The following CTNND2 variants were observed in gnomAD, a reference collection of about 807,000 sequenced individuals.
CTNND2 encodes the protein catenin delta-2.
A neutral mutation model predicts 144.4 loss-of-function variants in CTNND2; 22 were observed. The ratio of observed to expected loss-of-function variants is 0.15; its 90% CI spans 0.11 to 0.22. The LOEUF is 0.22. Ranked by LOEUF, CTNND2 falls within the 10% of genes least tolerant of loss-of-function variation. CTNND2 has a pLI of 1.00. For missense variants in CTNND2, 1,353 were observed against 1,618.8 expected (o/e 0.84, Z 2.82); for synonymous variants, 751 against 695.6 (o/e 1.08, Z -1.25).
rs73051988 is a variant in CTNND2, at chr5:11,581,104, T to C, written c.175-16048A>G. Among the ~76,000 whole-genome samples the C allele has an allele frequency of 3.8e-4, 58 of 152,276 alleles. 1 individual carries two copies. Among genetic ancestry groups the C allele is most frequent in the African/African-American group, 1.4e-3 (58 of 41,568 alleles). ...TAAGGTTACAGTAGCTTTCTTCCCA[T>C]TATGAAATAGCTGCTTTATAGGAAA... On this transcript the variant is annotated intron_variant, in intron 2 of 21. Coordinates refer to ENST00000304623, the MANE Select transcript of CTNND2 (RefSeq NM_001332.4).
At chr5:11,324,853 A>T (rs1203149248) in intron 9 of CTNND2, among the ~76,000 whole-genome samples, 1 of 152,188 alleles carries the variant, frequency 6.6e-6, no homozygotes, top group Non-Finnish European at 1.5e-5. Flanking sequence ...TTTGGTGGCT[A>T]AGTTTGCTTC....
At chr5:11,353,847 C>G (rs1032225093) in intron 8 of CTNND2, among the ~76,000 whole-genome samples, 1 of 151,746 alleles carries the variant, frequency 6.6e-6, no homozygotes. Flanking sequence ...TTGGCTTCTT[C>G]TTCAGAAAGA....
At chr5:11,661,974 T>C (rs1377431440) in intron 2 of CTNND2, among the ~76,000 whole-genome samples, 1 of 151,256 alleles carries the variant, frequency 6.6e-6, no homozygotes, top group Non-Finnish European at 1.5e-5. Flanking sequence ...ACTAATAGGA[T>C]ACATGTATAT....
intron 1 of CTNND2, among the ~76,000 whole-genome samples, chr5:11,755,543 T>G (rs537617642): frequency 6.6e-6 from 1 of 151,640 alleles, no homozygotes; most frequent in Non-Finnish European, 1.5e-5. Flanking sequence ...GTTTTCCAAG[T>G]TGCTTGCTTA....
intron 3 of CTNND2, among the ~76,000 whole-genome samples, chr5:11,537,777 A>G (rs1174791576): frequency 6.6e-6 from 1 of 152,196 alleles, no homozygotes; most frequent in Non-Finnish European, 1.5e-5. Flanking sequence ...GATTATGATA[A>G]ACGTATCTTA....
At chr5:11,415,829 A>G (rs1040288306) in intron 3 of CTNND2, among the ~76,000 whole-genome samples, 17 of 152,058 alleles carry the variant, frequency 1.1e-4, no homozygotes, top group African/African-American at 3.9e-4. Flanking sequence ...AGAGGAAGTG[A>G]CAAGTGCCAC....
intron 2 of CTNND2, among the ~76,000 whole-genome samples, chr5:11,690,964 T>G (rs1387503001): frequency 6.6e-6 from 1 of 152,166 alleles, no homozygotes; most frequent in African/African-American, 2.4e-5. Flanking sequence ...TAACAAAATG[T>G]AATGATTGTG....
At chr5:11,322,366 T>G (rs1752121342) in intron 9 of CTNND2, among the ~76,000 whole-genome samples, 1 of 152,208 alleles carries the variant, frequency 6.6e-6, no homozygotes, top group Admixed American at 6.5e-5. Flanking sequence ...ATTTTAATGT[T>G]ACCACAGTGC....
chr5:11,475,100 C>G (rs75373389), intron 3 of CTNND2, among the ~76,000 whole-genome samples: 1 of 152,182 alleles, frequency 6.6e-6, no homozygotes, highest in African/African-American at 2.4e-5. Flanking sequence ...CAGGTATTAC[C>G]GCCATTCTCT....
At chr5:11,046,411 A>G (rs572875408) in intron 16 of CTNND2, among the ~76,000 whole-genome samples, 3 of 152,214 alleles carry the variant, frequency 2.0e-5, no homozygotes, top group Non-Finnish European at 1.5e-5. Flanking sequence ...ACAGCCTTCC[A>G]AGGCAATCGA....
At chr5:11,756,523 T>C (rs1342887922) in intron 1 of CTNND2, among the ~76,000 whole-genome samples, 1 of 151,740 alleles carries the variant, frequency 6.6e-6, no homozygotes, top group Non-Finnish European at 1.5e-5. Context: ...GACAAATTTC[T>C]CAGCAGTCAT....
intron 9 of CTNND2, among the ~76,000 whole-genome samples, chr5:11,258,098 G>A (rs543268407): frequency 6.6e-6 from 1 of 152,286 alleles, no homozygotes; most frequent in African/African-American, 2.4e-5. Context: ...TAGCATCCCT[G>A]AGTGCCGTGT....
chr5:11,238,510 G>A (rs26472), intron 9 of CTNND2, among the ~76,000 whole-genome samples: 31,671 of 152,182 alleles, frequency 0.21, 3,457 homozygotes, highest in Admixed American at 0.28. Context: ...CTTTATCACA[G>A]TTGGTAGAGG....
chr5:11,716,088 T>C (rs1380109452), intron 2 of CTNND2, among the ~76,000 whole-genome samples: 1 of 152,210 alleles, frequency 6.6e-6, no homozygotes, highest in Non-Finnish European at 1.5e-5. Flanking sequence ...ACCAATCCTC[T>C]ACGACCAACA....
At chr5:11,093,567 G>C (rs1409113522) in intron 15 of CTNND2, among the ~76,000 whole-genome samples, 1 of 152,052 alleles carries the variant, frequency 6.6e-6, no homozygotes, top group Non-Finnish European at 1.5e-5. Flanking sequence ...CACAGAAAAA[G>C]AGTGTGCATG....
intron 1 of CTNND2, among the ~76,000 whole-genome samples, chr5:11,771,192 CTT>C (rs34686102): frequency 9.6e-6 from 1 of 103,780 alleles, no homozygotes; most frequent in African/African-American, 3.7e-5. Context: ...ACATTGTTAG[CTT>C]TTTTTTTTTT....
chr5:11,684,950 C>G (rs1464278131), intron 2 of CTNND2, among the ~76,000 whole-genome samples: 1 of 152,206 alleles, frequency 6.6e-6, no homozygotes, highest in African/African-American at 2.4e-5. Flanking sequence ...TCCTTCTTCC[C>G]TCTACCTGAT....
intron 18 of CTNND2, among the ~76,000 whole-genome samples, chr5:10,996,328 G>C (rs1481967082): frequency 6.6e-6 from 1 of 152,168 alleles, no homozygotes; most frequent in East Asian, 1.9e-4. Flanking sequence ...GAGGGCCACA[G>C]GCTGTTGGGA....
intron 16 of CTNND2, among the ~76,000 whole-genome samples, chr5:11,053,262 T>C (rs771459700): frequency 1.3e-4 from 20 of 152,134 alleles, no homozygotes; most frequent in Non-Finnish European, 2.6e-4. Context: ...ATCAGAGAAG[T>C]TTGAGACAAA....
Sources: gnomAD v4.1 joint callset for allele counts (sites outside exome capture counted in the v4.1 genomes callset) on GRCh38, gnomAD v4.1.1 for gene constraint, MANE v1.5 for transcripts, NCBI Gene and HGNC (gene_info 2026-07-23, HGNC 2026-07-21) for gene names.